RBFOX1: variants seen among roughly 807,000 people sequenced by gnomAD.
RBFOX1 encodes the protein RNA binding fox-1 homolog 1.
RBFOX1 carries 8 observed loss-of-function variants against 57.7 expected under a neutral mutation model. The observed-to-expected ratio is 0.14, with a 90% CI of 0.08 to 0.25. The LOEUF (loss-of-function observed/expected upper bound fraction) is 0.25. Ranked by LOEUF, RBFOX1 falls within the 10% of genes least tolerant of loss-of-function variation. The pLI is 1.00. For missense variants in RBFOX1, 611 were observed against 548.5 expected (o/e 1.11, Z -1.14); for synonymous variants, 326 against 222.4 (o/e 1.47, Z -4.15).
intron 5 of RBFOX1, among the ~76,000 whole-genome samples, chr16:7,562,393 G>A (rs916435359): frequency 1.3e-5 from 2 of 152,142 alleles, no homozygotes; most frequent in Non-Finnish European, 2.9e-5. Flanking sequence ...AGTTCTAAGG[G>A]TGTCCAGGAG....
intron 14 of RBFOX1, among the ~76,000 whole-genome samples, chr16:7,697,726 C>G (rs1434334689): frequency 6.6e-6 from 1 of 152,144 alleles, no homozygotes; most frequent in African/African-American, 2.4e-5. Context: ...CCTCCACACA[C>G]ACCTTTTTCT....
exon 3 of RBFOX1, chr16:5,598,978 T>C: frequency 6.6e-7 from 1 of 1,519,350 alleles, no homozygotes; most frequent in Non-Finnish European, 8.8e-7. Context: ...AGAAGCATTT[T>C]GCTGAACAGA....
chr16:7,232,782 C>A (rs4786988), intron 4 of RBFOX1, among the ~76,000 whole-genome samples: 2 of 150,148 alleles, frequency 1.3e-5, no homozygotes, highest in African/African-American at 2.5e-5. Context: ...GGGAGGTTGC[C>A]GTGAGCTGAG....
At chr16:5,294,812 C>T (rs2063622534) in intron 1 of RBFOX1, among the ~76,000 whole-genome samples, 1 of 151,804 alleles carries the variant, frequency 6.6e-6, no homozygotes, top group Admixed American at 6.6e-5. Context: ...AGGCAGATCA[C>T]TTGAGGCCAG....
intron 3 of RBFOX1, among the ~76,000 whole-genome samples, chr16:6,920,997 C>G (rs774578727): frequency 6.6e-6 from 1 of 152,128 alleles, no homozygotes; most frequent in South Asian, 2.1e-4. Context: ...TAAGTTTGCC[C>G]TTGTTTGACT....
At chr16:5,750,536 C>G (rs1054197703) in intron 3 of RBFOX1, among the ~76,000 whole-genome samples, 1 of 152,212 alleles carries the variant, frequency 6.6e-6, no homozygotes, top group African/African-American at 2.4e-5. Context: ...TTCCCATCTG[C>G]TTTGTTTACC....
intron 3 of RBFOX1, among the ~76,000 whole-genome samples, chr16:6,872,664 C>G (rs1189964849): frequency 2.0e-5 from 3 of 152,176 alleles, no homozygotes; most frequent in African/African-American, 7.2e-5. Context: ...AATGATTGGA[C>G]ACTGTCACTG....
At chr16:7,179,219 G>A (rs1325409397) in intron 4 of RBFOX1, among the ~76,000 whole-genome samples, 2 of 134,608 alleles carry the variant, frequency 1.5e-5, no homozygotes, top group East Asian at 1.9e-4. Context: ...ATGCTTAACC[G>A]GGATTTTTTT....
At chr16:6,849,278 C>G (rs1382459076) in intron 3 of RBFOX1, among the ~76,000 whole-genome samples, 1 of 152,158 alleles carries the variant, frequency 6.6e-6, no homozygotes, top group Non-Finnish European at 1.5e-5. Flanking sequence ...AAGTTAGCTC[C>G]TGCAATATTC....
intron 1 of RBFOX1, among the ~76,000 whole-genome samples, chr16:6,253,548 A>G (rs1334819715): frequency 6.6e-6 from 1 of 152,044 alleles, no homozygotes; most frequent in African/African-American, 2.4e-5. Context: ...TTATAACCAC[A>G]CACTCTTTTG....
At chr16:5,418,194 A>T (rs897781384) in intron 1 of RBFOX1, among the ~76,000 whole-genome samples, 3 of 152,254 alleles carry the variant, frequency 2.0e-5, no homozygotes, top group Non-Finnish European at 4.4e-5. Flanking sequence ...AAAAGCAGGA[A>T]TAATTAATGG....
At chr16:7,350,423 C>T (rs1333546310) in intron 4 of RBFOX1, among the ~76,000 whole-genome samples, 1 of 152,134 alleles carries the variant, frequency 6.6e-6, no homozygotes, top group Non-Finnish European at 1.5e-5. Flanking sequence ...CAATCAGCAG[C>T]CAGGTCCCAT....
chr16:5,732,389 A>G (rs75411510), intron 3 of RBFOX1, among the ~76,000 whole-genome samples: 1 of 152,210 alleles, frequency 6.6e-6, no homozygotes, highest in African/African-American at 2.4e-5. Flanking sequence ...AGAAGGCTCA[A>G]AGCAACTCAG....
intron 5 of RBFOX1, among the ~76,000 whole-genome samples, chr16:7,549,026 G>C (rs1223770742): frequency 6.6e-6 from 1 of 152,208 alleles, no homozygotes; most frequent in Non-Finnish European, 1.5e-5. Context: ...GATGGTGATA[G>C]GAGAGAAACA....
chr16:7,333,661 C>G (rs1411350130), intron 4 of RBFOX1, among the ~76,000 whole-genome samples: 1 of 152,154 alleles, frequency 6.6e-6, no homozygotes, highest in East Asian at 1.9e-4. Flanking sequence ...ATGTGTACAT[C>G]TTAATGATGG....
intron 1 of RBFOX1, among the ~76,000 whole-genome samples, chr16:6,228,775 C>G (rs543488895): frequency 6.6e-6 from 1 of 152,200 alleles, no homozygotes; most frequent in East Asian, 1.9e-4. Flanking sequence ...GTATGGTGCT[C>G]TTGAAAATCA....
intron 1 of RBFOX1, among the ~76,000 whole-genome samples, chr16:6,174,899 A>C (rs765135780): frequency 4.6e-5 from 7 of 152,132 alleles, no homozygotes; most frequent in African/African-American, 7.2e-5. Flanking sequence ...CCAATAGTCT[A>C]CTGCTTAAAA....
rs751671784 is a variant in RBFOX1 at position 6,840,897 on chromosome 16, A to AAAAAAAAAAAAAAAAAAAG, written c.-16+186254_-16+186255insAAAAAAAAAAAGAAAAAAA. On this transcript the variant is annotated intron_variant, in intron 3 of 15. Transcript: ENST00000550418. ...AGTGAGACTCTGTCTCAAAAAAAAA[A>AAAAAAAAAAAAAAAAAAAG]AAAAAAACGAAAAAAGGTTTGAGAG... 1.5e-4 allele frequency among the ~76,000 whole-genome samples: 20 copies of AAAAAAAAAAAAAAAAAAAG among 137,494 alleles called. 1 individual carries two copies. Among genetic ancestry groups the AAAAAAAAAAAAAAAAAAAG allele is most frequent in the South Asian group, 4.6e-4 (2 of 4,370 alleles). The allele number at this position is 137,494 out of a possible 152,430, so 90.2% of individuals were successfully genotyped here.
At chr16:5,660,633 C>T (rs1005128419) in intron 3 of RBFOX1, among the ~76,000 whole-genome samples, 1 of 152,112 alleles carries the variant, frequency 6.6e-6, no homozygotes, top group Non-Finnish European at 1.5e-5. Context: ...ACATTTCTTT[C>T]TCTGCACAGT....
Sources: allele counts gnomAD v4.1 joint callset (sites outside exome capture counted in the v4.1 genomes callset), GRCh38; gene constraint gnomAD v4.1.1; transcripts MANE v1.5; gene names NCBI Gene and HGNC (gene_info 2026-07-23, HGNC 2026-07-21).